Variants in ANKFN1 observed in about 807,000 individuals in gnomAD.
ANKFN1 encodes ankyrin repeat and fibronectin type III domain containing 1.
Under a neutral mutation model 108.7 loss-of-function variants are expected in ANKFN1, and 74 were observed. The ratio of observed to expected loss-of-function variants is 0.68; its 90% confidence interval spans 0.56 to 0.83. The LOEUF is 0.83. Ranked by LOEUF, ANKFN1 falls within the 40% of genes least tolerant of loss-of-function variation. The probability of loss-of-function intolerance (pLI) is 0.00; values close to 1 mark genes in which losing one functional copy is unlikely to be tolerated. For synonymous variants in ANKFN1, 547 were observed against 516.2 expected, an observed-to-expected ratio of 1.06 and a Z score of -0.81; for missense variants, 1,505 against 1,382.3, an observed-to-expected ratio of 1.09 and a Z score of -1.41.
At chr17:56,142,956 G>C (rs535967406) in intron 4 of ANKFN1, among the ~76,000 whole-genome samples, 2 of 152,086 alleles carry the variant, frequency 1.3e-5, no homozygotes, top group African/African-American at 4.8e-5. Context: ...CCAGAGGCGC[G>C]ATCTGATCAC....
At chr17:56,117,275 C>T (rs1043414523) in intron 4 of ANKFN1, among the ~76,000 whole-genome samples, 9 of 152,126 alleles carry the variant, frequency 5.9e-5, no homozygotes, top group Non-Finnish European at 7.4e-5. Context: ...CATGTAGTGA[C>T]AAGGAATGAA....
chr17:56,425,017 TA>T (rs2048515834), intron 8 of ANKFN1, among the ~76,000 whole-genome samples: 1 of 151,812 alleles, frequency 6.6e-6, no homozygotes, highest in African/African-American at 2.4e-5. Context: ...GAACTTTGAG[TA>T]AAGCTGAGAC....
chr17:56,346,204 T>C (rs996178446), intron 4 of ANKFN1, among the ~76,000 whole-genome samples: 3 of 152,080 alleles, frequency 2.0e-5, no homozygotes, highest in Non-Finnish European at 4.4e-5. Context: ...GTTGTAAATG[T>C]GTGGTGTTAC....
intron 4 of ANKFN1, among the ~76,000 whole-genome samples, chr17:56,329,114 A>G (rs1202292961): frequency 6.6e-6 from 1 of 152,034 alleles, no homozygotes; most frequent in Non-Finnish European, 1.5e-5. Flanking sequence ...TTTTCCTTCA[A>G]AGTCTCCAAT....
intron 3 of ANKFN1, among the ~76,000 whole-genome samples, chr17:56,230,870 A>G (rs1916684793): frequency 6.6e-6 from 1 of 152,074 alleles, no homozygotes; most frequent in Non-Finnish European, 1.5e-5. Flanking sequence ...CCTGGCTCTC[A>G]TTCAATGCCC....
At chr17:56,356,024 T>C (rs1172770900) in intron 6 of ANKFN1, among the ~76,000 whole-genome samples, 2 of 152,158 alleles carry the variant, frequency 1.3e-5, no homozygotes, top group African/African-American at 4.8e-5. Context: ...TCTAGACATT[T>C]CATGTAACAG....
chr17:56,165,712 C>T (rs1910081211), intron 1 of ANKFN1, among the ~76,000 whole-genome samples: 1 of 152,064 alleles, frequency 6.6e-6, no homozygotes, highest in African/African-American at 2.4e-5. Context: ...GCCTGGAATA[C>T]AGGATCCAAG....
Position 56,510,912 on chromosome 17 carries a change from G to A in ANKFN1, c.3084G>A (p.Ser1028=), listed in dbSNP as rs1033470513. Residue 1028 remains serine, a synonymous_variant, in exon 21 of 21, where the codon TCG becomes TCA. Transcript: ENST00000682825. ...LRIHSETQSL[S]LSEGIYTQHL... ...TCCACAGCGAGACCCAGTCGCTATC[G>A]CTCTCTGAGGGCATTTATACACAGC... The A allele has an allele frequency of 2.0e-6, 3 of 1,536,026 alleles. No homozygotes were observed. Among genetic ancestry groups the A allele is most frequent in the Admixed American group, 3.9e-5 (2 of 50,990 alleles).
At chr17:56,124,577 C>A (rs1444030923) in intron 4 of ANKFN1, among the ~76,000 whole-genome samples, 1 of 152,134 alleles carries the variant, frequency 6.6e-6, no homozygotes, top group Non-Finnish European at 1.5e-5. Flanking sequence ...CACTCTAACC[C>A]TCTTGTTCAG....
chr17:56,146,704 G>A (rs1255671448), intron 4 of ANKFN1, among the ~76,000 whole-genome samples: 1 of 152,182 alleles, frequency 6.6e-6, no homozygotes, highest in African/African-American at 2.4e-5. Context: ...TATAAAGCAG[G>A]GAGGCCCTGG....
chr17:56,217,175 C>T (rs114570825), intron 2 of ANKFN1, among the ~76,000 whole-genome samples: 120 of 152,224 alleles, frequency 7.9e-4, no homozygotes, highest in African/African-American at 2.7e-3. Context: ...TCCTTCCAGC[C>T]AGCAAAAATT....
intron 4 of ANKFN1, among the ~76,000 whole-genome samples, chr17:56,347,019 A>G (rs1318690980): frequency 6.6e-6 from 1 of 151,710 alleles, no homozygotes; most frequent in Non-Finnish European, 1.5e-5. Flanking sequence ...TTAGGACATT[A>G]ACCTTATGAC....
At chr17:56,359,064 C>T (rs2046446497) in intron 6 of ANKFN1, among the ~76,000 whole-genome samples, 2 of 152,170 alleles carry the variant, frequency 1.3e-5, no homozygotes, top group African/African-American at 4.8e-5. Flanking sequence ...TCTGGTCACT[C>T]ACAGAGATTT....
rs367816691 is a variant in ANKFN1, at chr17:56,454,248, C to T, written c.1208-2613C>T. Among the ~76,000 whole-genome samples, 159 of 152,134 alleles carry T rather than the reference C, an allele frequency of 1.0e-3. 1 individual carries two copies. Among genetic ancestry groups the T allele is most frequent in the South Asian group, 7.3e-3 (35 of 4,816 alleles). On this transcript the variant is annotated intron_variant, in intron 11 of 20. Coordinates refer to ENST00000682825, the MANE Select transcript of ANKFN1 (RefSeq NM_001370326.1). ...AGCTTTAATTGCTAAGCCTTCTATTCGGTTTCTTAGCTTTTGACAACATGT... is the reference window on the plus strand; with the variant it reads ...AGCTTTAATTGCTAAGCCTTCTATTTGGTTTCTTAGCTTTTGACAACATGT...
chr17:56,332,387 A>G (rs74939775), intron 4 of ANKFN1, among the ~76,000 whole-genome samples: 4,366 of 151,996 alleles, frequency 0.029, 204 homozygotes, highest in African/African-American at 0.1. Context: ...TTTTTTTCCT[A>G]TGTTTTGTTC....
At chr17:56,330,985 T>C (rs904392995) in intron 4 of ANKFN1, among the ~76,000 whole-genome samples, 47 of 152,192 alleles carry the variant, frequency 3.1e-4, no homozygotes, top group African/African-American at 1.1e-3. Flanking sequence ...GTCATCATTG[T>C]AATAGGATTG....
chr17:56,085,613 C>A (rs1014900926), intron 4 of ANKFN1, among the ~76,000 whole-genome samples: 3 of 151,312 alleles, frequency 2.0e-5, no homozygotes, highest in Non-Finnish European at 1.5e-5. Context: ...GAAATGAATA[C>A]AATGAGGTTC....
At chr17:56,203,608 T>C (rs1236073458) in intron 1 of ANKFN1, among the ~76,000 whole-genome samples, 1 of 152,162 alleles carries the variant, frequency 6.6e-6, no homozygotes, top group East Asian at 1.9e-4. Context: ...GTTTCCAGAG[T>C]CTTGCCTCAG....
chr17:56,512,933 C>G lies in ANKFN1; in HGVS notation c.*1664C>G, dbSNP rs947901154. Among the ~76,000 whole-genome samples, 1 of 152,188 alleles carries G rather than the reference C, an allele frequency of 6.6e-6. No homozygotes were observed. The highest frequency in any genetic ancestry group is 1.9e-4 in the East Asian group (1 of 5,200). ...CCTCAAAGAATCTTGATCAGAATCA[C>G]TACAGCTCCTTTTTCATGACTGGGA... On this transcript the variant is annotated 3_prime_UTR_variant, in exon 21 of 21. Coordinates refer to ENST00000682825, the MANE Select transcript of ANKFN1 (RefSeq NM_001370326.1).
Sources: allele counts gnomAD v4.1 joint callset (sites outside exome capture counted in the v4.1 genomes callset), GRCh38; gene constraint gnomAD v4.1.1; transcripts MANE v1.5; gene names NCBI Gene and HGNC (gene_info 2026-07-23, HGNC 2026-07-21).